Variants in OPCML observed in about 807,000 individuals in gnomAD.
OPCML encodes the protein opioid-binding protein/cell adhesion molecule.
A neutral mutation model predicts 37.8 loss-of-function variants in OPCML; 13 were observed. The ratio of observed to expected loss-of-function variants is 0.34; its 90% confidence interval spans 0.22 to 0.55. The LOEUF is 0.55. Among genes scored for constraint, OPCML ranks in the 20% least tolerant of loss-of-function variants. OPCML has a pLI of 0.91. For missense variants in OPCML, 341 were observed against 435.6 expected (o/e 0.78, Z 1.93); for synonymous variants, 176 against 168.8 (o/e 1.04, Z -0.33).
chr11:133,284,977 T>G (rs1592166569), intron 1 of OPCML, among the ~76,000 whole-genome samples: 1 of 152,066 alleles, frequency 6.6e-6, no homozygotes, highest in African/African-American at 2.4e-5. Flanking sequence ...TGAGGGGTCT[T>G]ATTTGTATGC....
intron 1 of OPCML, among the ~76,000 whole-genome samples, chr11:133,284,921 T>G (rs749511142): frequency 6.6e-6 from 1 of 152,066 alleles, no homozygotes; most frequent in Admixed American, 6.5e-5. Flanking sequence ...GTAGACATGG[T>G]TCTTGCTCTA....
At chr11:133,355,261 C>T (rs891478695) in intron 1 of OPCML, among the ~76,000 whole-genome samples, 12 of 152,184 alleles carry the variant, frequency 7.9e-5, no homozygotes, top group African/African-American at 2.4e-4. Context: ...CTGAACAAAA[C>T]GAGGTCTCTG....
rs190229569 is a variant in OPCML at position 132,972,386 on chromosome 11, T to A, written c.62-29376A>T. 8.1e-3 allele frequency among the ~76,000 whole-genome samples: 1,231 copies of A among 152,306 alleles called. 13 individuals carry two copies. The highest frequency in any genetic ancestry group is 0.029 in the African/African-American group (1,185 of 41,548). On this transcript the variant is annotated intron_variant, in intron 1 of 7. Coordinates refer to ENST00000524381, the MANE Select transcript of OPCML (RefSeq NM_001012393.5). ...TACAGCAACTGCAACCTGACTGGCA[T>A]GAGGGCCATCCACCTGGCAGGGGTT... is the stretch of plus-strand genomic sequence containing the variant.
chr11:132,666,861 T>G (rs543542726), intron 2 of OPCML, among the ~76,000 whole-genome samples: 6 of 152,150 alleles, frequency 3.9e-5, no homozygotes, highest in Non-Finnish European at 8.8e-5. Context: ...CTGCATAGGT[T>G]TAACTATAGG....
chr11:133,086,590 T>C (rs1243397543), intron 1 of OPCML, among the ~76,000 whole-genome samples: 3 of 152,168 alleles, frequency 2.0e-5, no homozygotes, highest in Admixed American at 6.5e-5. Flanking sequence ...ACGTGATGAT[T>C]TGATGTAATG....
chr11:133,347,089 T>A (rs1057507622), intron 1 of OPCML, among the ~76,000 whole-genome samples: 19 of 152,242 alleles, frequency 1.2e-4, no homozygotes, highest in Non-Finnish European at 2.6e-4. Flanking sequence ...AGTTGCATTT[T>A]TATTTACTTT....
At chr11:132,761,438 T>C (rs970174836) in intron 2 of OPCML, among the ~76,000 whole-genome samples, 5 of 152,156 alleles carry the variant, frequency 3.3e-5, no homozygotes, top group African/African-American at 1.2e-4. Flanking sequence ...CAGTTTCATA[T>C]ACACCTATCA....
At chr11:132,752,261 T>TA (rs35347941) in intron 2 of OPCML, among the ~76,000 whole-genome samples, 17,321 of 133,168 alleles carry the variant, frequency 0.13, 1,207 homozygotes, top group African/African-American at 0.22. Flanking sequence ...TTAAAATAAA[T>TA]AAAAAAAAAA....
At chr11:133,151,089 G>A (rs751791129) in intron 1 of OPCML, among the ~76,000 whole-genome samples, 4 of 151,772 alleles carry the variant, frequency 2.6e-5, no homozygotes, top group Non-Finnish European at 5.9e-5. Flanking sequence ...CCTGACCAAC[G>A]TGGTGAAACC....
intron 2 of OPCML, among the ~76,000 whole-genome samples, chr11:132,736,516 C>T (rs962756775): frequency 1.3e-5 from 2 of 152,166 alleles, no homozygotes; most frequent in African/African-American, 4.8e-5. Context: ...ACTACAGAAC[C>T]CTTCCACACT....
At chr11:133,334,224 A>G (rs1943690871) in intron 1 of OPCML, among the ~76,000 whole-genome samples, 1 of 152,208 alleles carries the variant, frequency 6.6e-6, no homozygotes, top group Admixed American at 6.5e-5. Context: ...TCAAACAGCA[A>G]AGACGTGGAA....
intron 2 of OPCML, among the ~76,000 whole-genome samples, chr11:132,706,711 C>A (rs187466914): frequency 6.2e-4 from 94 of 152,300 alleles, no homozygotes; most frequent in African/African-American, 2.2e-3. Context: ...CACTCCCCCA[C>A]CCTCTCAGAG....
At chr11:132,710,842 C>CAGAGAG (rs1944235631) in intron 2 of OPCML, among the ~76,000 whole-genome samples, 1 of 151,704 alleles carries the variant, frequency 6.6e-6, no homozygotes, top group Non-Finnish European at 1.5e-5. Flanking sequence ...ATGACAGAGA[C>CAGAGAG]AGACTCCAAC....
intron 1 of OPCML, among the ~76,000 whole-genome samples, chr11:133,332,123 C>T (rs955152915): frequency 1.3e-5 from 2 of 152,014 alleles, no homozygotes; most frequent in African/African-American, 2.4e-5. Context: ...TTTTGTAATT[C>T]TCATTGTAGA....
In OPCML at chr11:133,197,674, C is replaced by T. The variant is rs536300370; in HGVS notation, c.62-254664G>A. ...AAATGGTGTTTATGCCAATGAATTC[C>T]GAGTCAATAGCTACATTGATGCAGC... On this transcript the variant is annotated intron_variant, in intron 1 of 7. Coordinates refer to ENST00000524381, the MANE Select transcript of OPCML (RefSeq NM_001012393.5). Among the ~76,000 whole-genome samples, 31 of 152,300 alleles carry T rather than the reference C, an allele frequency of 2.0e-4. No individual in the cohort carries two copies. The South Asian group carries it at 3.9e-3, about 19-fold the overall frequency.
intron 1 of OPCML, chr11:133,302,759 TAACGTGAA>T (rs1486717292): frequency 1.3e-5 from 2 of 152,194 alleles, no homozygotes; most frequent in Non-Finnish European, 2.9e-5. Flanking sequence ...TTCCTCGAGG[TAACGTGAA>T]AATTTCAACC....
At chr11:132,962,851 A>G (rs1262047943) in intron 1 of OPCML, among the ~76,000 whole-genome samples, 4 of 152,202 alleles carry the variant, frequency 2.6e-5, no homozygotes, top group Admixed American at 2.0e-4. Flanking sequence ...GAGCTCTCCA[A>G]CTTAGCTTTT....
chr11:133,085,365 C>T (rs980752714), intron 1 of OPCML, among the ~76,000 whole-genome samples: 2 of 152,218 alleles, frequency 1.3e-5, no homozygotes, highest in Non-Finnish European at 2.9e-5. Flanking sequence ...CCATGTTACA[C>T]ACAGCTCTGT....
chr11:132,509,065 C>T (rs1203881923), intron 4 of OPCML, among the ~76,000 whole-genome samples: 1 of 152,096 alleles, frequency 6.6e-6, no homozygotes, highest in African/African-American at 2.4e-5. Context: ...AAGGTCCAGG[C>T]TGAGGTAGTC....
Sources: gnomAD v4.1 joint callset for allele counts (sites outside exome capture counted in the v4.1 genomes callset) on GRCh38, gnomAD v4.1.1 for gene constraint, MANE v1.5 for transcripts, NCBI Gene and HGNC (gene_info 2026-07-23, HGNC 2026-07-21) for gene names.